The following HS2ST1 variants were observed in gnomAD, a reference collection of about 807,000 sequenced individuals.
The protein encoded by HS2ST1 is heparan sulfate 2-O-sulfotransferase 1.
HS2ST1 carries 18 observed loss-of-function variants against 42.9 expected under a neutral mutation model. That is an observed-to-expected ratio of 0.42 (90% CI 0.29 to 0.62). The LOEUF is 0.62. Among genes scored for constraint, HS2ST1 ranks in the 20% least tolerant of loss-of-function variants. The pLI is 0.21. For missense variants in HS2ST1, 334 were observed against 433.8 expected (o/e 0.77, Z 2.04); for synonymous variants, 146 against 152.9 (o/e 0.95, Z 0.33).
chr1:86,990,469 C>G (rs1389665971), intron 1 of HS2ST1, among the ~76,000 whole-genome samples: 2 of 151,894 alleles, frequency 1.3e-5, no homozygotes, highest in African/African-American at 4.8e-5. Context: ...TTTTTCCTAC[C>G]TAAGCATGCA....
chr1:86,941,464 A>G (rs1293294391), intron 1 of HS2ST1, among the ~76,000 whole-genome samples: 1 of 151,396 alleles, frequency 6.6e-6, no homozygotes, highest in Non-Finnish European at 1.5e-5. Flanking sequence ...ATTAATGTAC[A>G]TCTACATTTA....
intron 1 of HS2ST1, among the ~76,000 whole-genome samples, chr1:87,054,845 C>T (rs1168180450): frequency 6.6e-6 from 1 of 152,160 alleles, no homozygotes; most frequent in African/African-American, 2.4e-5. Context: ...GGCTGTCTGC[C>T]AACCAGAAAC....
chr1:86,924,450 AC>A (rs34675395), intron 1 of HS2ST1, among the ~76,000 whole-genome samples: 242 of 152,314 alleles, frequency 1.6e-3, no homozygotes, highest in Middle Eastern at 0.01. Flanking sequence ...CTGCAACCCC[AC>A]ATTTCCCTTC....
intron 1 of HS2ST1, among the ~76,000 whole-genome samples, chr1:86,967,363 G>A (rs1461541427): frequency 3.3e-5 from 5 of 152,090 alleles, no homozygotes; most frequent in Non-Finnish European, 1.5e-5. Flanking sequence ...GGATTATATC[G>A]TGGTGAATTC....
intron 1 of HS2ST1, among the ~76,000 whole-genome samples, chr1:86,941,014 A>G (rs1348613088): frequency 2.0e-5 from 3 of 152,204 alleles, no homozygotes; most frequent in Non-Finnish European, 4.4e-5. Flanking sequence ...ATTGGGAAGT[A>G]GAAAAGCTAC....
intron 1 of HS2ST1, among the ~76,000 whole-genome samples, chr1:87,013,562 A>G (rs746045812): frequency 5.9e-5 from 9 of 152,066 alleles, no homozygotes; most frequent in Non-Finnish European, 1.0e-4. Flanking sequence ...CCCTGGAGAC[A>G]TTTTCCTCAT....
At chr1:86,975,283 T>C (rs1648365024) in intron 1 of HS2ST1, among the ~76,000 whole-genome samples, 1 of 151,976 alleles carries the variant, frequency 6.6e-6, no homozygotes, top group Non-Finnish European at 1.5e-5. Flanking sequence ...CTTTTTCTTT[T>C]TTTTTTTTTA....
rs529095778 is a variant in HS2ST1 at position 86,959,200 on chromosome 1, C to G, written c.124+44040C>G. Among the ~76,000 whole-genome samples the G allele has an allele frequency of 9.2e-5, 14 of 152,282 alleles. No individual in the cohort carries two copies. In the South Asian group the frequency reaches 2.9e-3, roughly 32 times the overall value. ...GAAAAGGCAAATATGTCCCCTCTCA[C>G]TACTCTTCAGCATCATCCTGGAAGT... On this transcript the variant is annotated intron_variant, in intron 1 of 6. Transcript: ENST00000370550.
rs1290735737 is a variant in HS2ST1, at chr1:87,093,639, A to T, written c.588+970A>T. On this transcript the variant is annotated intron_variant, in intron 4 of 6. Transcript: ENST00000370550. ...GTGAATTTCCTGAAGCATATATTTA[A>T]TTCATCTTCGTTTCCTCAGAATTTA... Among the ~76,000 whole-genome samples, 3 of 152,102 alleles carry T rather than the reference A, an allele frequency of 2.0e-5. No homozygotes were observed. In the East Asian group the frequency reaches 5.8e-4, roughly 29 times the overall value.
At chr1:86,928,317 A>G (rs188036880) in intron 1 of HS2ST1, among the ~76,000 whole-genome samples, 1 of 152,218 alleles carries the variant, frequency 6.6e-6, no homozygotes, top group East Asian at 1.9e-4. Context: ...CTGGATTAAA[A>G]TCAATAAAAT....
At chr1:87,075,447 G>A (rs1405573014) in intron 2 of HS2ST1, among the ~76,000 whole-genome samples, 2 of 151,940 alleles carry the variant, frequency 1.3e-5, no homozygotes, top group East Asian at 1.9e-4. Context: ...GATTACAGGC[G>A]CCTGGCCTCT....
chr1:87,079,173 G>T (rs1048218384), intron 2 of HS2ST1, among the ~76,000 whole-genome samples: 1 of 151,560 alleles, frequency 6.6e-6, no homozygotes, highest in African/African-American at 2.4e-5. Context: ...GGTCGCCCAG[G>T]CTGGACCAGG....
chr1:87,073,971 A>G (rs756384396), intron 2 of HS2ST1, among the ~76,000 whole-genome samples: 1 of 152,218 alleles, frequency 6.6e-6, no homozygotes, highest in Non-Finnish European at 1.5e-5. Flanking sequence ...TGTAGTTACA[A>G]TGATATTTAT....
intron 4 of HS2ST1, among the ~76,000 whole-genome samples, chr1:87,096,166 A>C (rs1441900159): frequency 6.6e-6 from 1 of 152,190 alleles, no homozygotes; most frequent in Non-Finnish European, 1.5e-5. Flanking sequence ...AATTGCGGCT[A>C]TTCTTTAATA....
chr1:87,025,643 A>G (rs1650064608), intron 1 of HS2ST1, among the ~76,000 whole-genome samples: 1 of 152,222 alleles, frequency 6.6e-6, no homozygotes, highest in Non-Finnish European at 1.5e-5. Flanking sequence ...ATTTGCGTGT[A>G]CATATACTTT....
intron 1 of HS2ST1, among the ~76,000 whole-genome samples, chr1:86,916,239 T>C (rs1304717373): frequency 1.3e-5 from 2 of 152,214 alleles, no homozygotes; most frequent in African/African-American, 2.4e-5. Flanking sequence ...GAGGATGTAA[T>C]TTGAATATGG....
chr1:86,935,545 C>T (rs1162147341), intron 1 of HS2ST1, among the ~76,000 whole-genome samples: 1 of 149,172 alleles, frequency 6.7e-6, no homozygotes, highest in African/African-American at 2.5e-5. Context: ...TCACTGCAAC[C>T]ACTGTCTCCA....
chr1:86,974,133 C>G (rs1017839122), intron 1 of HS2ST1, among the ~76,000 whole-genome samples: 3 of 152,076 alleles, frequency 2.0e-5, no homozygotes, highest in Non-Finnish European at 4.4e-5. Flanking sequence ...GTCTTTTGTT[C>G]TAATGGGGTG....
chr1:86,967,809 A>T (rs1648091680), intron 1 of HS2ST1, among the ~76,000 whole-genome samples: 2 of 152,326 alleles, frequency 1.3e-5, no homozygotes, highest in Admixed American at 1.3e-4. Context: ...CTTTAGGTAG[A>T]TATCCAGTAG....
Sources: allele counts gnomAD v4.1 joint callset (sites outside exome capture counted in the v4.1 genomes callset), GRCh38; gene constraint gnomAD v4.1.1; transcripts MANE v1.5; gene names NCBI Gene and HGNC (gene_info 2026-07-23, HGNC 2026-07-21).